RELN: variants seen among roughly 807,000 people sequenced by gnomAD.
RELN encodes reelin.
Under a neutral mutation model 427.6 loss-of-function variants are expected in RELN, and 108 were observed. The observed-to-expected ratio is 0.25, with a 90% CI of 0.22 to 0.30. The LOEUF (loss-of-function observed/expected upper bound fraction) is 0.30, where lower values mean the gene tolerates loss of function less well. Among genes scored for constraint, RELN ranks in the 10% least tolerant of loss-of-function variants. The pLI is 1.00. For missense variants in RELN, 3,715 were observed against 4,302.8 expected, an observed-to-expected ratio of 0.86 and a Z score of 3.82; for synonymous variants, 1,524 against 1,513.4, an observed-to-expected ratio of 1.01 and a Z score of -0.16.
rs547626279 is a variant in RELN, at chr7:103,519,271, T to C, written c.7862+52A>G. The C allele has an allele frequency of 1.5e-4, 204 of 1,379,802 alleles. 2 individuals are homozygous for C. The East Asian group carries it at 4.5e-3, about 30-fold the overall frequency. The allele number at this position is 1,379,802 out of a possible 1,614,324, so 85.5% of individuals were successfully genotyped here. Reference sequence around the variant, plus strand: ...TCAGTCTCCCGTGACTGATTGCTGGTAGCAATCTCTGCTCGATGTACTCGT... The same window carrying C: ...TCAGTCTCCCGTGACTGATTGCTGGCAGCAATCTCTGCTCGATGTACTCGT... On this transcript the variant is annotated intron_variant, in intron 49 of 64. Transcript: ENST00000428762.
intron 51 of RELN, among the ~76,000 whole-genome samples, chr7:103,505,832 A>G (rs1250769200): frequency 6.6e-6 from 1 of 152,212 alleles, no homozygotes; most frequent in Admixed American, 6.5e-5. Context: ...AGGAAGCTAT[A>G]AGAACCTTGA....
At chr7:103,628,736 C>G (rs1832384640) in intron 20 of RELN, among the ~76,000 whole-genome samples, 1 of 152,172 alleles carries the variant, frequency 6.6e-6, no homozygotes, top group South Asian at 2.1e-4. Flanking sequence ...TTAAATTGGT[C>G]TGACCATGAC....
intron 64 of RELN, among the ~76,000 whole-genome samples, chr7:103,475,502 G>C (rs1333521991): frequency 6.6e-6 from 1 of 152,088 alleles, no homozygotes; most frequent in African/African-American, 2.4e-5. Flanking sequence ...AAATTATTCT[G>C]TTAAAACACG....
chr7:103,819,864 A>T (rs1354199654), intron 3 of RELN, among the ~76,000 whole-genome samples: 1 of 152,022 alleles, frequency 6.6e-6, no homozygotes, highest in Admixed American at 6.6e-5. Context: ...GCAGTTATTC[A>T]TGCTCTCGGT....
At chr7:103,747,164 C>CA (rs1228830176) in intron 6 of RELN, among the ~76,000 whole-genome samples, 11 of 150,426 alleles carry the variant, frequency 7.3e-5, no homozygotes, top group Non-Finnish European at 1.6e-4. Context: ...ATCGCAAGGA[C>CA]AAAAAACCAA....
At chr7:103,840,445 C>A (rs1340119673) in intron 2 of RELN, among the ~76,000 whole-genome samples, 2 of 152,254 alleles carry the variant, frequency 1.3e-5, no homozygotes, top group African/African-American at 4.8e-5. Context: ...CACCCCCTCT[C>A]AAGCTTCATT....
In RELN at chr7:103,617,640, CAT is replaced by C. The variant is rs760291496; in HGVS notation, c.2703-5839_2703-5838del. Among the ~76,000 whole-genome samples the C allele has an allele frequency of 8.7e-5, 13 of 150,240 alleles. No individual in the cohort carries two copies. In the Middle Eastern group the frequency reaches 0.014, roughly 161 times the overall value. The stretch of plus-strand genomic sequence containing the variant: ...TATATACACATTTATTATATATATA[CAT>C]GTGTGTATATATACATTTTATTTGT... On this transcript the variant is annotated intron_variant, in intron 20 of 64. Coordinates refer to ENST00000428762, the MANE Select transcript of RELN (RefSeq NM_005045.4).
At chr7:103,844,463 G>A (rs975378327) in intron 2 of RELN, among the ~76,000 whole-genome samples, 1 of 152,180 alleles carries the variant, frequency 6.6e-6, no homozygotes, top group Non-Finnish European at 1.5e-5. Flanking sequence ...ATTTAATGAT[G>A]CAGGCAAAGT....
intron 8 of RELN, among the ~76,000 whole-genome samples, chr7:103,713,065 A>G (rs181795356): frequency 6.6e-6 from 1 of 152,290 alleles, no homozygotes; most frequent in Admixed American, 6.5e-5. Context: ...GCACAGGGCC[A>G]CAGAAGGAGA....
chr7:103,985,062 C>T (rs968823726), intron 1 of RELN, among the ~76,000 whole-genome samples: 1 of 152,148 alleles, frequency 6.6e-6, no homozygotes, highest in Non-Finnish European at 1.5e-5. Flanking sequence ...AAAGTGCCCT[C>T]AATACTCTAT....
intron 3 of RELN, among the ~76,000 whole-genome samples, chr7:103,787,635 A>G (rs985959032): frequency 5.9e-5 from 9 of 152,352 alleles, no homozygotes; most frequent in African/African-American, 1.9e-4. Flanking sequence ...CTAAACCAAG[A>G]AGAAGTCAAA....
At chr7:103,740,509 G>A (rs1424447771) in intron 6 of RELN, among the ~76,000 whole-genome samples, 1 of 152,080 alleles carries the variant, frequency 6.6e-6, no homozygotes, top group Non-Finnish European at 1.5e-5. Context: ...ATTCAATATT[G>A]AGTTGACATA....
chr7:103,792,408 G>A lies in RELN; in HGVS notation c.474-15781C>T, dbSNP rs139051538. ...CAACCATAAATGGAAATGAAGTACC[G>A]TTCATGCTACAATATCAATCAACCT... On this transcript the variant is annotated intron_variant, in intron 3 of 64. Transcript: ENST00000428762. 5.0e-3 allele frequency among the ~76,000 whole-genome samples: 755 copies of A among 152,162 alleles called. 4 individuals carry two copies. Among genetic ancestry groups the A allele is most frequent in the Non-Finnish European group, 8.2e-3 (557 of 68,008 alleles).
At chr7:103,666,624 T>C (rs7787983) in intron 11 of RELN, among the ~76,000 whole-genome samples, 38,524 of 152,076 alleles carry the variant, frequency 0.25, 5,389 homozygotes, top group South Asian at 0.38. Flanking sequence ...GTGTTAATTT[T>C]ACACACTTTG....
intron 60 of RELN, among the ~76,000 whole-genome samples, chr7:103,488,086 T>A (rs894386265): frequency 6.6e-6 from 1 of 151,882 alleles, no homozygotes. Flanking sequence ...AGGCAGAGGT[T>A]GTAGTGAGCT....
intron 4 of RELN, among the ~76,000 whole-genome samples, chr7:103,753,476 T>G (rs1273851439): frequency 6.6e-6 from 1 of 152,200 alleles, no homozygotes; most frequent in Non-Finnish European, 1.5e-5. Context: ...TTAGCTCTAA[T>G]TAAAGATTTT....
At chr7:103,586,306 T>C (rs1831269240) in intron 28 of RELN, among the ~76,000 whole-genome samples, 1 of 151,986 alleles carries the variant, frequency 6.6e-6, no homozygotes, top group African/African-American at 2.4e-5. Context: ...GAGGTTGCAG[T>C]GAGCAGAGAT....
intron 3 of RELN, among the ~76,000 whole-genome samples, chr7:103,809,932 C>A (rs573613516): frequency 1.3e-5 from 2 of 152,152 alleles, no homozygotes; most frequent in Non-Finnish European, 1.5e-5. Context: ...CTGGGTGAGA[C>A]TCATATTTTT....
intron 31 of RELN, among the ~76,000 whole-genome samples, chr7:103,567,994 G>C (rs1830799021): frequency 6.6e-6 from 1 of 151,902 alleles, no homozygotes; most frequent in South Asian, 2.1e-4. Context: ...ACGGGGTTTT[G>C]CCATGTTGCT....
Sources: allele counts gnomAD v4.1 joint callset (sites outside exome capture counted in the v4.1 genomes callset), GRCh38; gene constraint gnomAD v4.1.1; transcripts MANE v1.5; gene names NCBI Gene and HGNC (gene_info 2026-07-23, HGNC 2026-07-21).